Variants in RIC8B observed in about 807,000 individuals in gnomAD.
RIC8B encodes the protein RIC8 guanine nucleotide exchange factor B.
A neutral mutation model predicts 57.5 loss-of-function variants in RIC8B; 16 were observed. The ratio of observed to expected loss-of-function variants is 0.28; its 90% CI spans 0.19 to 0.42. RIC8B has a LOEUF of 0.42. Among genes scored for constraint, RIC8B ranks in the 10% least tolerant of loss-of-function variants. RIC8B has a pLI of 1.00. For missense variants in RIC8B, 481 were observed against 677.0 expected (o/e 0.71, Z 3.21); for synonymous variants, 216 against 250.8 (o/e 0.86, Z 1.31).
At chr12:106,822,782 C>G (rs1243329692) in intron 3 of RIC8B, 2 of 152,304 alleles carry the variant, frequency 1.3e-5, no homozygotes. Context: ...AATAGCACTG[C>G]TCTCAAACAA....
At chr12:106,871,142 A>G in intron 9 of RIC8B, 200 bp downstream of exon 9, 1 of 417,040 alleles carries the variant, frequency 2.4e-6, no homozygotes, top group East Asian at 3.5e-5. Context: ...GCATTCCTAA[A>G]CATTTAAACT....
Position 106,840,836 on chromosome 12 carries a change from G to A in RIC8B, c.837-1753G>A, listed in dbSNP as rs1948912821. 2.0e-5 allele frequency among the ~76,000 whole-genome samples: 3 copies of A among 152,248 alleles called. No individual in the cohort carries two copies. In the South Asian group the frequency reaches 6.2e-4, roughly 32 times the overall value. ...TCTGAAACTTTTCAATCTGGTCTCTGGTAGGTTCAGAGCATCATACGGTCA... is the reference window on the plus strand; with the variant it reads ...TCTGAAACTTTTCAATCTGGTCTCTAGTAGGTTCAGAGCATCATACGGTCA... On this transcript the variant is annotated intron_variant, in intron 4 of 9. Coordinates refer to ENST00000392837, the MANE Select transcript of RIC8B (RefSeq NM_001330145.2).
chr12:106,884,819 A>T (rs1402171076), intron 9 of RIC8B, among the ~76,000 whole-genome samples: 1 of 152,130 alleles, frequency 6.6e-6, no homozygotes. Context: ...GCCCCTTCCC[A>T]GGAGGGAGCC....
At chr12:106,780,895 T>TA (rs1428920272) in intron 1 of RIC8B, among the ~76,000 whole-genome samples, 3 of 152,180 alleles carry the variant, frequency 2.0e-5, no homozygotes, top group Non-Finnish European at 4.4e-5. Context: ...GCCATGCTTA[T>TA]AAAAAATAAG....
At chr12:106,885,453 G>A (rs77736297) in intron 9 of RIC8B, among the ~76,000 whole-genome samples, 3,063 of 151,916 alleles carry the variant, frequency 0.02, 106 homozygotes, top group African/African-American at 0.07. Flanking sequence ...AATCAAAACC[G>A]ACAGATTTAT....
intron 2 of RIC8B, among the ~76,000 whole-genome samples, chr12:106,808,728 C>T (rs773304775): frequency 1.3e-5 from 2 of 152,160 alleles, no homozygotes; most frequent in Non-Finnish European, 2.9e-5. Context: ...TAGCACTTGC[C>T]TCAAAAGTGT....
At chr12:106,783,767 G>C (rs1325234882) in intron 1 of RIC8B, among the ~76,000 whole-genome samples, 1 of 152,198 alleles carries the variant, frequency 6.6e-6, no homozygotes, top group African/African-American at 2.4e-5. Flanking sequence ...TTCCTGGGCA[G>C]TTAGTGGCTT....
chr12:106,844,997 G>A (rs1247142098), intron 6 of RIC8B, among the ~76,000 whole-genome samples: 5 of 151,958 alleles, frequency 3.3e-5, no homozygotes, highest in East Asian at 1.9e-4. Flanking sequence ...TTTCTTCCTC[G>A]GAGGATTGTC....
intron 3 of RIC8B, among the ~76,000 whole-genome samples, chr12:106,822,077 C>CAAAAAAAAAAAAAAAAAAAAAAA (rs67378158): frequency 2.7e-3 from 101 of 38,028 alleles, no homozygotes; most frequent in Non-Finnish European, 2.9e-3. Context: ...GACTCCATCT[C>CAAAAAAAAAAAAAAAAAAAAAAA]AAAAAAAAAA....
intron 4 of RIC8B, among the ~76,000 whole-genome samples, chr12:106,840,829 G>C (rs1487893378): frequency 2.0e-5 from 3 of 152,080 alleles, no homozygotes; most frequent in Non-Finnish European, 4.4e-5. Flanking sequence ...TTTTCAATCT[G>C]GTCTCTGGTA....
chr12:106,808,382 T>C (rs1053714668), intron 2 of RIC8B, among the ~76,000 whole-genome samples: 3 of 152,184 alleles, frequency 2.0e-5, no homozygotes, highest in Admixed American at 1.3e-4. Flanking sequence ...TTATGTTATT[T>C]ATTTATTACT....
Position 106,871,496 on chromosome 12 carries a change from A to C in RIC8B, c.1571+554A>C, listed in dbSNP as rs1056272847. ...TAAAAAAAAAAAAAAAAAAAAAAAA[A>C]AACCAAAAAACTCCCCTTCCCCTCT... On this transcript the variant is annotated intron_variant, in intron 9 of 9. Transcript: ENST00000392837. 30 of 142,130 alleles carry C rather than the reference A, an allele frequency of 2.1e-4. 2 individuals are homozygous for C. The highest frequency in any genetic ancestry group is 8.0e-4 in the African/African-American group (28 of 35,150). 8.8% of individuals were successfully genotyped at this position (142,130 alleles called of 1,614,324 possible). A position where few individuals can be genotyped will look rare whatever the true frequency, so the allele number is the denominator to read the frequency against.
chr12:106,799,226 CAA>C (rs1412186792), intron 2 of RIC8B, among the ~76,000 whole-genome samples: 1 of 152,156 alleles, frequency 6.6e-6, no homozygotes, highest in African/African-American at 2.4e-5. Flanking sequence ...GTAAACAAAA[CAA>C]AAATATTTCT....
intron 1 of RIC8B, among the ~76,000 whole-genome samples, chr12:106,779,285 G>A (rs1052936511): frequency 3.3e-5 from 5 of 150,636 alleles, no homozygotes; most frequent in Non-Finnish European, 7.4e-5. Flanking sequence ...AGGCTGGAGT[G>A]CAGTGGCTTG....
Position 106,851,483 on chromosome 12 carries a change from C to A in RIC8B, c.1195C>A (p.Pro399Thr). ...ACCGTTGAGGGATGTGACAAATCGA[C>A]CTGAAGTTGGCTCAACTGTGAGAAA... ...LPPLRDVTNR[P>T]EVGSTVRNKL... Residue 399 changes from proline (P) to threonine (T), a missense_variant, in exon 7 of 10, where the codon CCT becomes ACT. This residue lies in a region of RIC8B where 421 missense variants were observed against 560.9 expected (regional missense o/e 0.75). Transcript: ENST00000392837. 1 of 1,613,676 alleles carries A rather than the reference C, an allele frequency of 6.2e-7. No individual in the cohort carries two copies. The highest frequency in any genetic ancestry group is 8.5e-7 in the Non-Finnish European group (1 of 1,179,828).
At chr12:106,811,883 G>C (rs763325021) in intron 2 of RIC8B, among the ~76,000 whole-genome samples, 6 of 152,140 alleles carry the variant, frequency 3.9e-5, no homozygotes, top group African/African-American at 9.7e-5. Flanking sequence ...GGAAATACAA[G>C]AGCACCTTTG....
intron 3 of RIC8B, 129 bp downstream of exon 3, chr12:106,815,433 G>A: frequency 2.2e-6 from 2 of 893,580 alleles, no homozygotes; most frequent in South Asian, 1.7e-5. Context: ...TTAAGCAATT[G>A]TATTACCCAG....
intron 4 of RIC8B, among the ~76,000 whole-genome samples, chr12:106,827,857 G>C (rs565394955): frequency 1.3e-5 from 2 of 152,126 alleles, no homozygotes; most frequent in South Asian, 4.1e-4. Context: ...TTTTTAAGAA[G>C]TCAGATATCA....
In RIC8B at chr12:106,838,986, CAA is replaced by C. The variant is rs78368727; in HGVS notation, c.837-3588_837-3587del. Among the ~76,000 whole-genome samples the C allele has an allele frequency of 7.2e-3, 739 of 103,212 alleles. 6 individuals carry two copies. Among genetic ancestry groups the C allele is most frequent in the African/African-American group, 0.022 (671 of 30,240 alleles). 67.7% of individuals were successfully genotyped at this position (103,212 alleles called of 152,430 possible). A position where few individuals can be genotyped will look rare whatever the true frequency, so the allele number is the denominator to read the frequency against. ...TCATACCTTGTTAGAAGGGTTATTCCAAAAAAAAAAAAAAAACCTCAAAAAAC... is the reference window on the plus strand; with the variant it reads ...TCATACCTTGTTAGAAGGGTTATTCCAAAAAAAAAAAAAACCTCAAAAAAC... On this transcript the variant is annotated intron_variant, in intron 4 of 9. Transcript: ENST00000392837.
Sources: allele counts gnomAD v4.1 joint callset (sites outside exome capture counted in the v4.1 genomes callset), GRCh38; gene constraint gnomAD v4.1.1; regional missense constraint gnomAD v4.1.1; transcripts MANE v1.5; gene names NCBI Gene and HGNC (gene_info 2026-07-23, HGNC 2026-07-21).